Variants in COLQ observed in about 807,000 individuals in gnomAD.
COLQ encodes the protein collagen like tail subunit of asymmetric acetylcholinesterase, also known as acetylcholinesterase collagenic tail peptide.
A neutral mutation model predicts 69.0 loss-of-function variants in COLQ; 48 were observed. The observed-to-expected ratio is 0.70, with a 90% CI of 0.55 to 0.88. COLQ has a LOEUF of 0.88. COLQ is among the 40% of genes least tolerant of loss of function. The pLI, the probability that COLQ is intolerant of heterozygous loss-of-function variation, is 0.00. For missense variants in COLQ, 618 were observed against 594.6 expected, an observed-to-expected ratio of 1.04 and a Z score of -0.41; for synonymous variants, 217 against 211.2, an observed-to-expected ratio of 1.03 and a Z score of -0.24.
At chr3:15,457,757 C>T (rs1009730336) in intron 13 of COLQ, among the ~76,000 whole-genome samples, 1 of 152,162 alleles carries the variant, frequency 6.6e-6, no homozygotes, top group Non-Finnish European at 1.5e-5. Context: ...AGACAACAGG[C>T]GTGCACCACC....
intron 6 of COLQ, among the ~76,000 whole-genome samples, chr3:15,476,082 C>G (rs925523862): frequency 8.5e-5 from 13 of 152,056 alleles, no homozygotes; most frequent in Admixed American, 8.5e-4. Flanking sequence ...ATTAATCATC[C>G]CAACTTGTAA....
intron 4 of COLQ, 38 bp from the exon 5 acceptor site, chr3:15,479,041 G>A: frequency 6.2e-7 from 1 of 1,613,670 alleles, no homozygotes; most frequent in Middle Eastern, 1.7e-4. Flanking sequence ...AGGCTGCTTT[G>A]GAAGAGATGT....
At chr3:15,514,623 T>C (rs1260045124) in intron 1 of COLQ, among the ~76,000 whole-genome samples, 2 of 152,206 alleles carry the variant, frequency 1.3e-5, no homozygotes, top group African/African-American at 4.8e-5. Flanking sequence ...TTTGAGACTC[T>C]CTGATCTAGA....
In COLQ at chr3:15,451,731, A is replaced by G; in HGVS notation, c.1299-18T>C. 1 of 1,611,834 alleles carries G rather than the reference A, an allele frequency of 6.2e-7. No individual in the cohort carries two copies. Among genetic ancestry groups the G allele is most frequent in the Non-Finnish European group, 8.5e-7 (1 of 1,178,268 alleles). Reference sequence around the variant, plus strand: ...CATATGACCTGAGGGAGGCAAAGACACGTTCTAAAAGGCCACCTCTTATAT... The same window carrying G: ...CATATGACCTGAGGGAGGCAAAGACGCGTTCTAAAAGGCCACCTCTTATAT... On this transcript the variant is annotated intron_variant, in intron 16 of 16. Coordinates refer to ENST00000383788, the MANE Select transcript of COLQ (RefSeq NM_005677.4).
chr3:15,510,048 C>T (rs1044813446), intron 1 of COLQ, among the ~76,000 whole-genome samples: 6 of 151,878 alleles, frequency 4.0e-5, no homozygotes, highest in East Asian at 1.9e-4. Context: ...TGGTGGCGGG[C>T]GCCTGTAGTC....
In COLQ at chr3:15,473,920, G is replaced by A. The variant is rs2125114488; in HGVS notation, c.636+80C>T. The A allele has an allele frequency of 6.9e-7, 1 of 1,449,618 alleles. No individual in the cohort carries two copies. Among genetic ancestry groups the A allele is most frequent in the Non-Finnish European group, 9.7e-7 (1 of 1,034,452 alleles). 89.8% of individuals were successfully genotyped at this position (1,449,618 alleles called of 1,614,324 possible). A position where few individuals can be genotyped will look rare whatever the true frequency, so the allele number is the denominator to read the frequency against. On this transcript the variant is annotated intron_variant, in intron 10 of 16. Transcript: ENST00000383788. The surrounding 1 kb of genome is among the most constrained non-coding windows in gnomAD (Gnocchi z 4.0). ...CCACCATCCCTGCCTGATAGACAAGGAGGCAGAGTTCTTTTTGTTGTGCTT... is the reference window on the plus strand; with the variant it reads ...CCACCATCCCTGCCTGATAGACAAGAAGGCAGAGTTCTTTTTGTTGTGCTT...
At position 15,521,676 on chromosome 3, in the gene COLQ, CCTTG is replaced by C. The variant is rs2063140564; in HGVS notation, c.-55_-52del. ...AGTTAGAAAGGAGGCTGCTGCGGAG[CCTTG>C]CTTATCTCTGCTTTTCTCTTCCTCA... On this transcript the variant is annotated 5_prime_UTR_variant, in exon 1 of 17. Coordinates refer to ENST00000383788, the MANE Select transcript of COLQ (RefSeq NM_005677.4). 2.5e-6 allele frequency: 4 copies of C among 1,610,518 alleles called. No homozygotes were observed. The highest frequency in any genetic ancestry group is 2.5e-6 in the Non-Finnish European group (3 of 1,178,720).
At chr3:15,467,767 C>A (rs1438670840) in intron 11 of COLQ, 1 of 428,420 alleles carries the variant, frequency 2.3e-6, no homozygotes, top group African/African-American at 2.0e-5. Flanking sequence ...GGCTTGCCCA[C>A]CTGATGAAAT....
chr3:15,489,655 C>T lies in COLQ; in HGVS notation c.107-18G>A. 3.1e-6 allele frequency: 5 copies of T among 1,610,916 alleles called. No homozygotes were observed. Among genetic ancestry groups the T allele is most frequent in the Non-Finnish European group, 4.2e-6 (5 of 1,177,850 alleles). On this transcript the variant is annotated intron_variant, in intron 1 of 16. Transcript: ENST00000383788. ...GGGAAGGGCTGTTCAGAGAAAACTG[C>T]CGCTCGTTAGCATGTGGTCAGTGCT...
intron 12 of COLQ, among the ~76,000 whole-genome samples, chr3:15,461,189 T>TTCCCCCCC (rs2062106557): frequency 6.9e-6 from 1 of 144,072 alleles, no homozygotes; most frequent in Non-Finnish European, 1.5e-5. Context: ...TTGCCTTTAT[T>TTCCCCCCC]CCCCCCCCGA....
intron 1 of COLQ, among the ~76,000 whole-genome samples, chr3:15,508,499 T>C (rs1287866443): frequency 2.0e-5 from 3 of 152,232 alleles, no homozygotes; most frequent in South Asian, 2.1e-4. Flanking sequence ...GCCAAGCATA[T>C]TGTAGGCGGT....
intron 1 of COLQ, among the ~76,000 whole-genome samples, chr3:15,493,658 C>T (rs761134071): frequency 6.6e-6 from 1 of 152,232 alleles, no homozygotes; most frequent in Non-Finnish European, 1.5e-5. Context: ...GTCATGGGGG[C>T]AGCTAAGCAG....
intron 1 of COLQ, among the ~76,000 whole-genome samples, chr3:15,521,164 G>T (rs1488693197): frequency 6.6e-6 from 1 of 152,212 alleles, no homozygotes; most frequent in Non-Finnish European, 1.5e-5. Context: ...TGTATTTATA[G>T]AAACATCTGA....
rs2063125394 is a variant in COLQ at position 15,520,751 on chromosome 3, C to A, written c.106+769G>T. On this transcript the variant is annotated intron_variant, in intron 1 of 16. Coordinates refer to ENST00000383788, the MANE Select transcript of COLQ (RefSeq NM_005677.4). The stretch of plus-strand genomic sequence containing the variant: ...TCTGGGTCAGACAAGACAAGGGCAA[C>A]AGGCTGCTGACCTCAGAAAAGGTTG... Among the ~76,000 whole-genome samples, 5 of 152,314 alleles carry A rather than the reference C, an allele frequency of 3.3e-5. No individual in the cohort carries two copies. The South Asian group carries it at 1.0e-3, about 32-fold the overall frequency.
intron 1 of COLQ, among the ~76,000 whole-genome samples, chr3:15,519,172 C>T (rs1046243153): frequency 2.0e-5 from 3 of 152,154 alleles, no homozygotes; most frequent in African/African-American, 4.8e-5. Context: ...TAGTGATTCC[C>T]GCTAGGTCTA....
chr3:15,491,944 G>C (rs992029970), intron 1 of COLQ, among the ~76,000 whole-genome samples: 1 of 151,986 alleles, frequency 6.6e-6, no homozygotes, highest in African/African-American at 2.4e-5. Context: ...TGTAGTCCTA[G>C]CTACTCAGGA....
rs184049705 is a variant in COLQ, at chr3:15,517,894, C to T, written c.106+3626G>A. ...GTTAATGTACTGTAGTCAATGACGC[C>T]TTCAGGGGTTACAGACAGAGCAGAG... is the stretch of plus-strand genomic sequence containing the variant. On this transcript the variant is annotated intron_variant, in intron 1 of 16. Coordinates refer to ENST00000383788, the MANE Select transcript of COLQ (RefSeq NM_005677.4). 1.1e-4 allele frequency among the ~76,000 whole-genome samples: 16 copies of T among 152,238 alleles called. No individual in the cohort carries two copies. The East Asian group carries it at 3.1e-3, about 29-fold the overall frequency.
rs397874056 is a variant in COLQ, at chr3:15,458,846, AT to A, written c.815-522del. Among the ~76,000 whole-genome samples, 973 of 145,418 alleles carry A rather than the reference AT, an allele frequency of 6.7e-3. 4 individuals are homozygous for A. The highest frequency in any genetic ancestry group is 0.011 in the East Asian group (54 of 5,012). ...AACTTTTGTTTTTCTTATATATAGA[AT>A]TTTTTTTTTTTTTTGAGATGGAGTC... is the stretch of plus-strand genomic sequence containing the variant. On this transcript the variant is annotated intron_variant, in intron 12 of 16. Coordinates refer to ENST00000383788, the MANE Select transcript of COLQ (RefSeq NM_005677.4).
intron 1 of COLQ, among the ~76,000 whole-genome samples, chr3:15,491,160 A>G (rs566790275): frequency 1.1e-4 from 16 of 152,254 alleles, no homozygotes; most frequent in African/African-American, 3.8e-4. Flanking sequence ...CAAAAAGTAA[A>G]AATTTCTCTT....
Sources: allele counts gnomAD v4.1 joint callset (sites outside exome capture counted in the v4.1 genomes callset), GRCh38; gene constraint gnomAD v4.1.1; non-coding constraint Gnocchi (gnomAD v3.1); transcripts MANE v1.5; gene names NCBI Gene and HGNC (gene_info 2026-07-23, HGNC 2026-07-21).